URI1: variants seen among roughly 807,000 people sequenced by gnomAD.
URI1 encodes the protein unconventional prefoldin RPB5 interactor 1.
URI1 carries 39 observed loss-of-function variants against 60.2 expected under a neutral mutation model. The ratio of observed to expected loss-of-function variants is 0.65; its 90% CI spans 0.50 to 0.85. The LOEUF is 0.85. URI1 is among the 40% of genes least tolerant of loss of function. The probability of loss-of-function intolerance (pLI) is 0.00; values close to 1 mark genes in which losing one functional copy is unlikely to be tolerated. For synonymous variants in URI1, 251 were observed against 236.8 expected, an observed-to-expected ratio of 1.06 and a Z score of -0.55; for missense variants, 691 against 665.9, an observed-to-expected ratio of 1.04 and a Z score of -0.42.
intron 4 of URI1, among the ~76,000 whole-genome samples, chr19:30,000,643 C>T (rs569761088): frequency 5.9e-5 from 9 of 151,970 alleles, no homozygotes; most frequent in East Asian, 1.9e-4. Context: ...ATGCTATTTT[C>T]GTTTTCTTTG....
At chr19:29,977,289 A>G (rs1003920110) in intron 2 of URI1, among the ~76,000 whole-genome samples, 1 of 152,128 alleles carries the variant, frequency 6.6e-6, no homozygotes, top group Non-Finnish European at 1.5e-5. Context: ...TAACAATGCC[A>G]TGGTTTACAG....
chr19:29,961,866 G>A (rs1234395564), intron 1 of URI1, among the ~76,000 whole-genome samples: 2 of 151,886 alleles, frequency 1.3e-5, no homozygotes, highest in Non-Finnish European at 2.9e-5. Context: ...TTTGTGTTTA[G>A]TAGAGTTGGG....
chr19:29,937,281 A>G (rs768809869), upstream of URI1, among the ~76,000 whole-genome samples: 1 of 152,098 alleles, frequency 6.6e-6, no homozygotes, highest in Non-Finnish European at 1.5e-5. Context: ...TTCATATATT[A>G]TTTTGGTTTC....
chr19:29,934,697 G>A (rs2054953591), intron 1 of URI1, among the ~76,000 whole-genome samples: 1 of 151,982 alleles, frequency 6.6e-6, no homozygotes, highest in Admixed American at 6.6e-5. Context: ...CACCAAACCT[G>A]GCTTATTTTT....
chr19:29,942,907 A>G (rs1052962033), intron 1 of URI1, among the ~76,000 whole-genome samples: 1 of 152,134 alleles, frequency 6.6e-6, no homozygotes, highest in South Asian at 2.1e-4. Flanking sequence ...GGCGTGCGGC[A>G]GCGCGTGGGA....
At chr19:30,006,579 A>G (rs955970462) in intron 6 of URI1, among the ~76,000 whole-genome samples, 4 of 152,150 alleles carry the variant, frequency 2.6e-5, no homozygotes, top group Admixed American at 1.3e-4. Context: ...AAAATTGTTA[A>G]CTACTGTCTT....
At chr19:29,936,456 T>C (rs2054973460) in intron 1 of URI1, among the ~76,000 whole-genome samples, 1 of 152,204 alleles carries the variant, frequency 6.6e-6, no homozygotes, top group East Asian at 1.9e-4. Flanking sequence ...GGACTCCTTG[T>C]ACCTTACAAG....
Position 29,995,363 on chromosome 19 carries a change from A to G in URI1, c.367+8946A>G, listed in dbSNP as rs2055798466. On this transcript the variant is annotated intron_variant, in intron 4 of 10. Coordinates refer to ENST00000392271, the MANE Select transcript of URI1 (RefSeq NM_003796.3). ...TTTCATGTGTTTATTGGCCACATGT[A>G]TATCATCTTTGGAGAAATGTCTATT... 1.3e-5 allele frequency among the ~76,000 whole-genome samples: 2 copies of G among 152,034 alleles called. 1 individual carries two copies. The highest frequency in any genetic ancestry group is 4.1e-4 in the South Asian group (2 of 4,830).
intron 1 of URI1, among the ~76,000 whole-genome samples, chr19:29,944,455 C>T (rs2055078928): frequency 6.6e-6 from 1 of 151,702 alleles, no homozygotes; most frequent in Admixed American, 6.6e-5. Context: ...GATATGTTTT[C>T]TGCCATTTGG....
chr19:29,999,679 G>T (rs1013997747), intron 4 of URI1, among the ~76,000 whole-genome samples: 1 of 151,834 alleles, frequency 6.6e-6, no homozygotes, highest in African/African-American at 2.4e-5. Flanking sequence ...CTTGGATTTC[G>T]TTGAGCTTCT....
intron 6 of URI1, 123 bp downstream of exon 6, chr19:30,005,831 A>G: frequency 1.2e-6 from 1 of 821,632 alleles, no homozygotes. Context: ...GGATGCCAAC[A>G]TTTTTCTACT....
At chr19:29,962,850 T>C (rs2055343856) in intron 1 of URI1, among the ~76,000 whole-genome samples, 1 of 152,202 alleles carries the variant, frequency 6.6e-6, no homozygotes, top group Non-Finnish European at 1.5e-5. Context: ...ATTTTTTCCT[T>C]CATGTTGGAG....
upstream of URI1, chr19:29,937,795 C>T (rs1223624584): frequency 6.6e-6 from 1 of 152,148 alleles, no homozygotes; most frequent in African/African-American, 2.4e-5. Flanking sequence ...CTCAAAAATG[C>T]CCCAATTTTT....
At chr19:30,005,082 C>G (rs1373449720) in intron 4 of URI1, among the ~76,000 whole-genome samples, 3 of 151,942 alleles carry the variant, frequency 2.0e-5, no homozygotes, top group Non-Finnish European at 4.4e-5. Context: ...CTATAGAAAC[C>G]TGGTAGCACC....
At chr19:30,005,503 AAT>A in intron 5 of URI1, 51 bp downstream of exon 5, 1 of 1,505,246 alleles carries the variant, frequency 6.6e-7, no homozygotes, top group Non-Finnish European at 9.0e-7. Flanking sequence ...TTTTCAAAGA[AAT>A]ATGAAGCTAT....
chr19:29,936,475 C>T (rs965393174), intron 1 of URI1, among the ~76,000 whole-genome samples: 1 of 152,188 alleles, frequency 6.6e-6, no homozygotes, highest in African/African-American at 2.4e-5. Context: ...AGTTGTTCCT[C>T]TCTTGCTGCT....
chr19:29,956,254 G>A (rs2055245413), intron 1 of URI1: 2 of 612,042 alleles, frequency 3.3e-6, no homozygotes, highest in East Asian at 3.6e-5. Context: ...AATTTTACAG[G>A]CATGAGCCAC....
intron 2 of URI1, among the ~76,000 whole-genome samples, chr19:29,979,650 T>C (rs1175968859): frequency 6.6e-6 from 1 of 152,168 alleles, no homozygotes; most frequent in East Asian, 1.9e-4. Flanking sequence ...ACTTGAAAAA[T>C]TATGTTTTTA....
chr19:30,011,082 C>G lies in URI1; in HGVS notation c.1036-12C>G. On this transcript the variant is annotated splice_polypyrimidine_tract_variant and intron_variant, in intron 8 of 10. Coordinates refer to ENST00000392271, the MANE Select transcript of URI1 (RefSeq NM_003796.3). ...GTCAAAAGATTCTTAATTTCTTGCTCTGAAATTTTAGGTCCGAATAAATAC... is the reference window on the plus strand; with the variant it reads ...GTCAAAAGATTCTTAATTTCTTGCTGTGAAATTTTAGGTCCGAATAAATAC... 6.3e-7 allele frequency: 1 copy of G among 1,592,312 alleles called. No individual in the cohort carries two copies. Among genetic ancestry groups the G allele is most frequent in the Non-Finnish European group, 8.5e-7 (1 of 1,173,542 alleles).
Sources: gnomAD v4.1 joint callset for allele counts (sites outside exome capture counted in the v4.1 genomes callset) on GRCh38, gnomAD v4.1.1 for gene constraint, MANE v1.5 for transcripts, NCBI Gene and HGNC (gene_info 2026-07-23, HGNC 2026-07-21) for gene names.